The following SLC12A6 variants were observed in gnomAD, a reference collection of about 807,000 sequenced individuals.
SLC12A6 encodes solute carrier family 12 member 6.
A neutral mutation model predicts 135.3 loss-of-function variants in SLC12A6; 66 were observed. The observed-to-expected ratio is 0.49, with a 90% CI of 0.40 to 0.60. The LOEUF (loss-of-function observed/expected upper bound fraction) is 0.60. Ranked by LOEUF, SLC12A6 falls within the 20% of genes least tolerant of loss-of-function variation. The probability of loss-of-function intolerance (pLI) is 0.00; values close to 1 mark genes in which losing one functional copy is unlikely to be tolerated. For missense variants in SLC12A6, 1,058 were observed against 1,452.3 expected, an observed-to-expected ratio of 0.73 and a Z score of 4.41; for synonymous variants, 513 against 508.8, an observed-to-expected ratio of 1.01 and a Z score of -0.11.
chr15:34,319,619 G>A (rs139571598), intron 2 of SLC12A6, among the ~76,000 whole-genome samples: 2,901 of 151,504 alleles, frequency 0.019, 91 homozygotes, highest in African/African-American at 0.066. Flanking sequence ...GCCAACATGG[G>A]GAAACCCTAT....
intron 2 of SLC12A6, 124 bp from the exon 3 acceptor site, chr15:34,275,513 T>C (rs548305575): frequency 4.5e-6 from 3 of 664,668 alleles, no homozygotes; most frequent in African/African-American, 3.6e-5. Context: ...TTATGAAATA[T>C]TAATGTGAAG....
chr15:34,335,964 G>A (rs898587989), intron 2 of SLC12A6, among the ~76,000 whole-genome samples: 4 of 152,170 alleles, frequency 2.6e-5, no homozygotes, highest in Non-Finnish European at 4.4e-5. Context: ...AAGTCTTGGA[G>A]GAAAGCTGCT....
intron 2 of SLC12A6, among the ~76,000 whole-genome samples, chr15:34,313,758 CTT>C (rs1888427539): frequency 1.3e-5 from 2 of 152,066 alleles, no homozygotes; most frequent in Admixed American, 1.3e-4. Context: ...CAGCTGGTGA[CTT>C]TAAGTTAAAG....
intron 3 of SLC12A6, among the ~76,000 whole-genome samples, chr15:34,264,260 CT>C (rs1413115092): frequency 1.3e-5 from 2 of 152,182 alleles, no homozygotes; most frequent in African/African-American, 2.4e-5. Context: ...CTGGAGCCTG[CT>C]TATCAGCTTT....
At position 34,256,231 on chromosome 15, in the gene SLC12A6, G is replaced by A; in HGVS notation, c.743C>T (p.Pro248Leu). 1 of 1,592,782 alleles carries A rather than the reference G, an allele frequency of 6.3e-7. No homozygotes were observed. Among genetic ancestry groups the A allele is most frequent in the Non-Finnish European group, 8.6e-7 (1 of 1,160,638 alleles). The change falls in exon 7 of 26, where the codon CCA becomes CTA. Residue 248 changes from proline to leucine, a missense_variant and splice_region_variant. Pro to Leu is a moderately conservative substitution (Grantham distance 98). This residue lies in a region of SLC12A6 where 139 missense variants were observed against 202.2 expected (regional missense o/e 0.69). Transcript: ENST00000354181. ...MSAIATNGVV[P>L]AGGSYFMISR... ...AAATACAACCTTGACCTACTAACCT[G>A]GCACCACTCCATTAGTGGCAATGGC...
intron 2 of SLC12A6, among the ~76,000 whole-genome samples, chr15:34,294,552 G>A (rs1895753172): frequency 7.1e-6 from 1 of 140,664 alleles, no homozygotes; most frequent in Non-Finnish European, 1.5e-5. Flanking sequence ...ACCACACCTG[G>A]CCCTAAATAC....
chr15:34,334,041 G>A (rs139412717), intron 2 of SLC12A6, among the ~76,000 whole-genome samples: 24 of 150,168 alleles, frequency 1.6e-4, no homozygotes, highest in African/African-American at 5.9e-4. Context: ...TTGTACCCCA[G>A]CCTGGGCAAC....
intron 2 of SLC12A6, among the ~76,000 whole-genome samples, chr15:34,305,903 G>A (rs28599506): frequency 5.9e-5 from 9 of 151,864 alleles, no homozygotes; most frequent in African/African-American, 9.7e-5. Context: ...GACTACAGGC[G>A]CCCACCACCG....
At chr15:34,332,580 T>C (rs1889923371) in intron 2 of SLC12A6, among the ~76,000 whole-genome samples, 1 of 152,050 alleles carries the variant, frequency 6.6e-6, no homozygotes, top group Non-Finnish European at 1.5e-5. Context: ...GGTCAGGAGT[T>C]TGAGACCAGC....
rs1456204238 is a variant in SLC12A6, at chr15:34,231,918, TG to T, written c.*1962del. 1 of 118,892 alleles carries T rather than the reference TG, an allele frequency of 8.4e-6. No individual in the cohort carries two copies. The highest frequency in any genetic ancestry group is 1.8e-5 in the Non-Finnish European group (1 of 54,764). The allele number at this position is 118,892 out of a possible 1,614,324, so 7.4% of individuals were successfully genotyped here. Reference sequence around the variant, plus strand: ...AATTACTCAATTTCTTAAGCTATATTGAAGGGTTTTCTCTGTCCTTACAGGT... The same window carrying T: ...AATTACTCAATTTCTTAAGCTATATTAAGGGTTTTCTCTGTCCTTACAGGT... On this transcript the variant is annotated 3_prime_UTR_variant, in exon 26 of 26. Transcript: ENST00000354181.
At chr15:34,315,318 G>T (rs554777749) in intron 2 of SLC12A6, among the ~76,000 whole-genome samples, 1 of 152,212 alleles carries the variant, frequency 6.6e-6, no homozygotes, top group Non-Finnish European at 1.5e-5. Context: ...ACCTTCAGCA[G>T]CCCACCCTGC....
At chr15:34,264,677 A>G (rs1261045516) in intron 3 of SLC12A6, among the ~76,000 whole-genome samples, 1 of 152,218 alleles carries the variant, frequency 6.6e-6, no homozygotes, top group East Asian at 1.9e-4. Flanking sequence ...TAAAAAGGGC[A>G]AGTAAAATCA....
At chr15:34,298,251 T>A (rs1896006870) in intron 2 of SLC12A6, among the ~76,000 whole-genome samples, 1 of 151,898 alleles carries the variant, frequency 6.6e-6, no homozygotes, top group South Asian at 2.1e-4. Flanking sequence ...CCGAGGCAGG[T>A]GGATCACAAG....
At chr15:34,286,317 C>G (rs1392666225) in intron 2 of SLC12A6, among the ~76,000 whole-genome samples, 1 of 151,718 alleles carries the variant, frequency 6.6e-6, no homozygotes, top group Non-Finnish European at 1.5e-5. Context: ...CTCAAGTGAT[C>G]TGCCCACCTC....
chr15:34,318,938 G>A, intron 2 of SLC12A6: 2 of 434,882 alleles, frequency 4.6e-6, no homozygotes, highest in Non-Finnish European at 6.1e-6. Context: ...TTATTAACCT[G>A]AAGAACCCCA....
chr15:34,318,832 A>T, intron 2 of SLC12A6: 1 of 1,511,108 alleles, frequency 6.6e-7, no homozygotes, highest in Admixed American at 2.0e-5. Context: ...AGCTCACGTG[A>T]CCTACAGCCC....
chr15:34,234,039 C>T, intron 25 of SLC12A6, 67 bp from the exon 26 acceptor site: 1 of 813,332 alleles, frequency 1.2e-6, no homozygotes, highest in African/African-American at 1.7e-5. Flanking sequence ...TCATCATAAT[C>T]TGAGGTTATC....
chr15:34,243,271 G>A (rs1330240134), intron 16 of SLC12A6, among the ~76,000 whole-genome samples: 1 of 152,186 alleles, frequency 6.6e-6, no homozygotes, highest in African/African-American at 2.4e-5. Flanking sequence ...TTTAATTTTT[G>A]CCCAGTAAAC....
chr15:34,250,236 T>A, intron 13 of SLC12A6, 62 bp downstream of exon 13: 2 of 940,226 alleles, frequency 2.1e-6, no homozygotes, highest in Admixed American at 1.7e-5. Flanking sequence ...TGGAGCTATG[T>A]GGAATGATCA....
Sources: allele counts gnomAD v4.1 joint callset (sites outside exome capture counted in the v4.1 genomes callset), GRCh38; gene constraint gnomAD v4.1.1; regional missense constraint gnomAD v4.1.1; transcripts MANE v1.5; gene names NCBI Gene and HGNC (gene_info 2026-07-23, HGNC 2026-07-21).